The following DNHD1 variants were observed in gnomAD, a reference collection of about 807,000 sequenced individuals.
DNHD1 encodes dynein heavy chain domain-containing protein 1.
DNHD1 carries 383 observed loss-of-function variants against 458.1 expected under a neutral mutation model. The observed-to-expected ratio is 0.84, with a 90% CI of 0.77 to 0.91. The LOEUF is 0.91. Among genes scored for constraint, DNHD1 ranks in the 40% least tolerant of loss-of-function variants. DNHD1 has a pLI of 0.00. For missense variants in DNHD1, 5,336 were observed against 5,866.1 expected (o/e 0.91, Z 2.95); for synonymous variants, 2,203 against 2,376.9 (o/e 0.93, Z 2.13).
At chr11:6,526,040 G>T (rs923361107) in intron 10 of DNHD1, among the ~76,000 whole-genome samples, 4 of 150,946 alleles carry the variant, frequency 2.6e-5, no homozygotes, top group African/African-American at 9.7e-5. Flanking sequence ...CCCTTGCTTT[G>T]TTTTTTTCTT....
rs1853509877 is a variant in DNHD1 at position 6,558,173 on chromosome 11, C to G, written c.8878C>G (p.Leu2960Val). The G allele has an allele frequency of 1.3e-6, 2 of 1,551,662 alleles. No individual in the cohort carries two copies. Among genetic ancestry groups the G allele is most frequent in the Non-Finnish European group, 1.7e-6 (2 of 1,146,976 alleles). ...DLTTLHRLLALATSGSFPGQY... is the reference protein window; with the variant it reads ...DLTTLHRLLAVATSGSFPGQY... ...CACTACACTTCATCGCCTCCTGGCC[C>G]TGGCAACCTCAGGCAGTTTCCCTGG... The change falls in exon 25 of 43, where the codon CTG becomes GTG. Residue 2960 changes from leucine (L) to valine (V), a missense_variant. This residue lies in a region of DNHD1 where 3,932 missense variants were observed against 4,365.6 expected (regional missense o/e 0.90). Transcript: ENST00000254579.
At chr11:6,519,540 G>A in intron 7 of DNHD1, 60 bp from the exon 8 acceptor site, 2 of 1,593,074 alleles carry the variant, frequency 1.3e-6, no homozygotes, top group Non-Finnish European at 1.7e-6. Flanking sequence ...GCACAGACTA[G>A]TGGGTGGCTG....
chr11:6,547,093 C>T lies in DNHD1; in HGVS notation c.6154C>T (p.His2052Tyr), dbSNP rs1293446739. Residue 2052 changes from histidine to tyrosine, a missense_variant, in exon 21 of 43, where the codon CAT (histidine) becomes TAT (tyrosine). By Grantham distance (83) the His-to-Tyr change is moderately conservative. Around this residue, in one of 4 missense-constraint regions of DNHD1, gnomAD observed 3,932 missense variants for 4,365.6 expected, o/e 0.90. Transcript: ENST00000254579. ...LGWLEGSCWH[H>Y]GIFPKVLRAA... ...ATGGCTAGAGGGCTCCTGCTGGCAT[C>T]ATGGCATCTTTCCCAAGGTACTTCG... 1 of 1,551,760 alleles carries T rather than the reference C, an allele frequency of 6.4e-7. No homozygotes were observed.
chr11:6,557,069 C>T lies in DNHD1; in HGVS notation c.7774C>T (p.His2592Tyr), dbSNP rs1010572704. Reference sequence around the variant, plus strand: ...CCACCCACACTACCACTTCTCCCTACACTCTGTGAGCCACCTACTGAGCAG... The same window carrying T: ...CCACCCACACTACCACTTCTCCCTATACTCTGTGAGCCACCTACTGAGCAG... Reference protein sequence around the residue: ...PLHPHYHFSLHSVSHLLSSLQ... With the variant: ...PLHPHYHFSLYSVSHLLSSLQ... Residue 2592 changes from histidine (H) to tyrosine (Y), a missense_variant, in exon 25 of 43, where the codon CAC becomes TAC. Physicochemically the swap from His to Tyr is moderately conservative, Grantham distance 83. This residue lies in a region of DNHD1 where 3,932 missense variants were observed against 4,365.6 expected (regional missense o/e 0.90). Transcript: ENST00000254579. 5 of 1,551,626 alleles carry T rather than the reference C, an allele frequency of 3.2e-6. No homozygotes were observed. The South Asian group carries it at 5.9e-5, about 18-fold the overall frequency.
At position 6,519,969 on chromosome 11, in the gene DNHD1, C is replaced by T; in HGVS notation, c.1652C>T (p.Pro551Leu). 6.2e-7 allele frequency: 1 copy of T among 1,614,084 alleles called. No homozygotes were observed. Among genetic ancestry groups the T allele is most frequent in the South Asian group, 1.1e-5 (1 of 91,084 alleles). ...TSFVANILQA[P>L]RQKPFLSSQL... ...TCCTGACCCTTTTTTTTACAGGCCC[C>T]AAGGCAGAAACCCTTTCTCTCATCA... The change falls in exon 9 of 43, where the codon CCA becomes CTA. Residue 551 changes from proline (P) to leucine (L), a missense_variant. Transcript: ENST00000254579.
chr11:6,501,783 C>T lies in DNHD1; in HGVS notation c.747-970C>T, dbSNP rs982321479. Among the ~76,000 whole-genome samples, 6 of 152,038 alleles carry T rather than the reference C, an allele frequency of 3.9e-5. No homozygotes were observed. In the South Asian group the frequency reaches 6.2e-4, roughly 16 times the overall value. ...AGAGGAGCAAATGTCCTTGGTTTTG[C>T]GATCTTCTGAATATACTATATAATA... On this transcript the variant is annotated intron_variant, in intron 3 of 42. Transcript: ENST00000254579.
rs181433004 is a variant in DNHD1 at position 6,537,142 on chromosome 11, C to A, written c.2999-1241C>A. 4.6e-3 allele frequency among the ~76,000 whole-genome samples: 704 copies of A among 152,156 alleles called. 2 individuals are homozygous for A. Among genetic ancestry groups the A allele is most frequent in the Non-Finnish European group, 7.5e-3 (511 of 68,018 alleles). On this transcript the variant is annotated intron_variant, in intron 14 of 42. Transcript: ENST00000254579. ...TGTCTTTTAAGTAAATTGCAAACCT[C>A]GATATTATAATTATTGTTAATTATA...
In DNHD1 at chr11:6,545,983, T is replaced by C. The variant is rs992372283; in HGVS notation, c.5044T>C (p.Cys1682Arg). 2.2e-5 allele frequency: 34 copies of C among 1,551,660 alleles called. No individual in the cohort carries two copies. The African/African-American group carries it at 4.4e-4, about 20-fold the overall frequency. The change falls in exon 21 of 43, where the codon TGT becomes CGT. Residue 1682 changes from cysteine (C) to arginine (R), a missense_variant. Coordinates refer to ENST00000254579, the MANE Select transcript of DNHD1 (RefSeq NM_144666.3). This position sits in a 1 kb window ranked among gnomAD's most constrained non-coding sequence, Gnocchi z 4.9. ...VLLLALEEVACGTVLGPNGVG... is the reference protein window; with the variant it reads ...VLLLALEEVARGTVLGPNGVG... ...ATTATTGGCCCTAGAGGAGGTGGCCTGTGGGACCGTACTGGGTCCTAATGG... is the reference window on the plus strand; with the variant it reads ...ATTATTGGCCCTAGAGGAGGTGGCCCGTGGGACCGTACTGGGTCCTAATGG...
At chr11:6,503,297 T>G in intron 4 of DNHD1, 1 of 168,666 alleles carries the variant, frequency 5.9e-6, no homozygotes, top group Non-Finnish European at 1.3e-5. Context: ...ATCTTTACAG[T>G]GTCAGGAAAA....
rs147509438 is a variant in DNHD1, at chr11:6,561,891, G to C, written c.9520-1091G>C. Among the ~76,000 whole-genome samples, 9 of 152,342 alleles carry C rather than the reference G, an allele frequency of 5.9e-5. No individual in the cohort carries two copies. In the East Asian group the frequency reaches 1.5e-3, roughly 26 times the overall value. On this transcript the variant is annotated intron_variant, in intron 28 of 42. Transcript: ENST00000254579. Reference sequence around the variant, plus strand: ...GGCTGGAAAGTAGCGTGCTAGGAGAGAGAAAAGAGATGAGATTGAAATGAT... The same window carrying C: ...GGCTGGAAAGTAGCGTGCTAGGAGACAGAAAAGAGATGAGATTGAAATGAT...
rs11040920 is a variant in DNHD1, at chr11:6,557,876, C to G, written c.8581C>G (p.His2861Asp). ...TSAAQLKLSP[H>D]LARCHSMAQH... The stretch of plus-strand genomic sequence containing the variant: ...AGCTGCTCAACTGAAGTTGAGCCCC[C>G]ACCTGGCCCGGTGTCATTCCATGGC... The change falls in exon 25 of 43, where the codon CAC becomes GAC. Residue 2861 changes from histidine (H) to aspartate (D), a missense_variant. Physicochemically the swap from His to Asp is moderately conservative, Grantham distance 81 (BLOSUM62 -1). Transcript: ENST00000254579. The G allele has an allele frequency of 1.2e-5, 18 of 1,550,652 alleles. No individual in the cohort carries two copies. In the Admixed American group the frequency reaches 2.4e-4, roughly 20 times the overall value.
At chr11:6,551,312 T>A (rs1853339862) in intron 24 of DNHD1, among the ~76,000 whole-genome samples, 1 of 152,192 alleles carries the variant, frequency 6.6e-6, no homozygotes, top group Admixed American at 6.5e-5. Context: ...TATCAAAATT[T>A]GTGAGATGCA....
intron 16 of DNHD1, 76 bp from the exon 17 acceptor site, chr11:6,539,143 G>C (rs1240675923): frequency 9.6e-7 from 1 of 1,042,412 alleles, no homozygotes; most frequent in African/African-American, 1.6e-5. Context: ...GGCTGGGCTG[G>C]GCTCTGGGAT....
In DNHD1 at chr11:6,532,884, T is replaced by C. The variant is rs539201460; in HGVS notation, c.2348-143T>C. 8.0e-5 allele frequency: 61 copies of C among 763,080 alleles called. 1 individual carries two copies. The highest frequency in any genetic ancestry group is 5.9e-4 in the Middle Eastern group (2 of 3,380). 47.3% of individuals were successfully genotyped at this position (763,080 alleles called of 1,614,324 possible). A position where few individuals can be genotyped will look rare whatever the true frequency, so the allele number is the denominator to read the frequency against. On this transcript the variant is annotated intron_variant, in intron 12 of 42. Transcript: ENST00000254579. Reference sequence around the variant, plus strand: ...CAGTGCATAGCAGCTGACTGGACATTGAGCAGGGATTCAACAAGCATTAAA... The same window carrying C: ...CAGTGCATAGCAGCTGACTGGACATCGAGCAGGGATTCAACAAGCATTAAA...
chr11:6,570,113 C>T lies in DNHD1; in HGVS notation c.12955+13C>T. On this transcript the variant is annotated intron_variant, in intron 40 of 42. Coordinates refer to ENST00000254579, the MANE Select transcript of DNHD1 (RefSeq NM_144666.3). ...CAAGAGCTGGCTGGTGAGACCCTTC[C>T]TCTCCCCCTTGGAGTCATCAGCCCC... The T allele has an allele frequency of 6.2e-7, 1 of 1,613,860 alleles. No homozygotes were observed. Among genetic ancestry groups the T allele is most frequent in the Non-Finnish European group, 8.5e-7 (1 of 1,179,808 alleles).
chr11:6,514,118 T>C (rs1275624729), intron 7 of DNHD1, among the ~76,000 whole-genome samples: 2 of 152,086 alleles, frequency 1.3e-5, no homozygotes, highest in African/African-American at 4.8e-5. Context: ...AGTACTGGGA[T>C]TACAGGTGTG....
chr11:6,546,357 A>G lies in DNHD1; in HGVS notation c.5418A>G (p.Val1806=). Residue 1806 remains valine, a synonymous_variant, in exon 21 of 43, where the codon GTA becomes GTG. Transcript: ENST00000254579. ...SVRLGYGCLL[V]LRALSSAVPA... Reference sequence around the variant, plus strand: ...GCCTTGGCTATGGCTGTCTCCTGGTACTGCGTGCCCTGAGCTCTGCTGTGC... The same window carrying G: ...GCCTTGGCTATGGCTGTCTCCTGGTGCTGCGTGCCCTGAGCTCTGCTGTGC... 1 of 1,552,286 alleles carries G rather than the reference A, an allele frequency of 6.4e-7. No homozygotes were observed. The highest frequency in any genetic ancestry group is 8.7e-7 in the Non-Finnish European group (1 of 1,147,108).
At position 6,529,106 on chromosome 11, in the gene DNHD1, G is replaced by A. The variant is rs1377832736; in HGVS notation, c.2332G>A (p.Val778Ile). ...GTTGCTGCTACTTAGCTGCCATGATGTACAGGCAGAGATGGGTGAGTACTG... is the reference window on the plus strand; with the variant it reads ...GTTGCTGCTACTTAGCTGCCATGATATACAGGCAGAGATGGGTGAGTACTG... ...GGLLLLSCHD[V>I]QAEMESKLNS... The change falls in exon 12 of 43, where the codon GTA (valine) becomes ATA (isoleucine). Residue 778 changes from valine (V) to isoleucine (I), a missense_variant. Val to Ile is a conservative substitution (Grantham distance 29, BLOSUM62 3). This residue lies in a region of DNHD1 where 3,932 missense variants were observed against 4,365.6 expected (regional missense o/e 0.90). Transcript: ENST00000254579. 5.2e-6 allele frequency: 8 copies of A among 1,550,068 alleles called. No individual in the cohort carries two copies. The highest frequency in any genetic ancestry group is 1.4e-5 in the African/African-American group (1 of 72,996).
At position 6,557,616 on chromosome 11, in the gene DNHD1, C is replaced by A; in HGVS notation, c.8321C>A (p.Thr2774Lys). 1 of 1,551,768 alleles carries A rather than the reference C, an allele frequency of 6.4e-7. No individual in the cohort carries two copies. The highest frequency in any genetic ancestry group is 8.7e-7 in the Non-Finnish European group (1 of 1,147,010). ...ISHKIRQEKG[T>K]RASNYRLQVR... is the part of the protein sequence containing the mutation. ...CACAAGATAAGGCAAGAGAAAGGCA[C>A]AAGGGCATCCAACTATAGGCTCCAG... Residue 2774 changes from threonine (T) to lysine (K), a missense_variant, in exon 25 of 43, where the codon ACA becomes AAA. This residue lies in a region of DNHD1 where 3,932 missense variants were observed against 4,365.6 expected (regional missense o/e 0.90). Coordinates refer to ENST00000254579, the MANE Select transcript of DNHD1 (RefSeq NM_144666.3).
Sources: gnomAD v4.1 joint callset for allele counts (sites outside exome capture counted in the v4.1 genomes callset) on GRCh38, gnomAD v4.1.1 for gene constraint, gnomAD v4.1.1 regional missense constraint, Gnocchi (gnomAD v3.1) non-coding constraint, MANE v1.5 for transcripts, NCBI Gene and HGNC (gene_info 2026-07-23, HGNC 2026-07-21) for gene names.